Variants in HDAC9 observed in about 807,000 individuals in gnomAD.
The protein encoded by HDAC9 is MEF-2 interacting transcription repressor (MITR) protein.
Under a neutral mutation model 139.4 loss-of-function variants are expected in HDAC9, and 41 were observed. The observed-to-expected ratio is 0.29, with a 90% CI of 0.23 to 0.38. The LOEUF (loss-of-function observed/expected upper bound fraction) is 0.38. HDAC9 is among the 10% of genes least tolerant of loss of function. HDAC9 has a pLI of 1.00. For missense variants in HDAC9, 1,147 were observed against 1,297.0 expected, an observed-to-expected ratio of 0.88 and a Z score of 1.78; for synonymous variants, 517 against 476.2, an observed-to-expected ratio of 1.09 and a Z score of -1.12.
At chr7:18,253,265 A>G (rs1346277185) in intron 2 of HDAC9, among the ~76,000 whole-genome samples, 1 of 152,180 alleles carries the variant, frequency 6.6e-6, no homozygotes, top group Non-Finnish European at 1.5e-5. Flanking sequence ...TTGGGTATAT[A>G]CCCAGTAATG....
intron 12 of HDAC9, chr7:18,667,607 G>A: frequency 2.0e-6 from 2 of 985,236 alleles, no homozygotes; most frequent in Non-Finnish European, 2.4e-6. Flanking sequence ...GGTTCCTGCT[G>A]TTCTCCTACA....
At chr7:18,867,230 T>C (rs1294849993) in intron 21 of HDAC9, among the ~76,000 whole-genome samples, 1 of 152,182 alleles carries the variant, frequency 6.6e-6, no homozygotes, top group East Asian at 1.9e-4. Flanking sequence ...CAAAAAAGCA[T>C]ATATGCCATT....
intron 12 of HDAC9, among the ~76,000 whole-genome samples, chr7:18,698,041 G>A (rs566966236): frequency 1.3e-5 from 2 of 152,150 alleles, no homozygotes; most frequent in South Asian, 2.1e-4. Context: ...CAAAAATTAT[G>A]TGATTATGAG....
At chr7:18,249,605 A>C (rs929698535) in intron 2 of HDAC9, among the ~76,000 whole-genome samples, 1 of 151,696 alleles carries the variant, frequency 6.6e-6, no homozygotes, top group African/African-American at 2.4e-5. Flanking sequence ...CGTTCCTTCA[A>C]GTGAGCAAAT....
chr7:18,307,097 TTGTGTGTGTGTGTGTGTGTGTGTGTG>T (rs56020648), intron 1 of HDAC9, among the ~76,000 whole-genome samples: 2 of 134,806 alleles, frequency 1.5e-5, no homozygotes, highest in African/African-American at 3.0e-5. Context: ...AGGGCAGTTC[TTGTGTGTGTGTGTGTGTGTGTGTGTG>T]TGTGTGTGTG....
chr7:18,917,845 A>T (rs143727266), intron 22 of HDAC9, among the ~76,000 whole-genome samples: 2 of 152,110 alleles, frequency 1.3e-5, no homozygotes, highest in East Asian at 3.9e-4. Context: ...CTCTTATCTA[A>T]TACATGCAAT....
chr7:18,979,298 T>A (rs567368420), intron 25 of HDAC9, among the ~76,000 whole-genome samples: 1 of 152,232 alleles, frequency 6.6e-6, no homozygotes, highest in East Asian at 1.9e-4. Context: ...AAAACCCCAT[T>A]TTCCTGAATC....
intron 1 of HDAC9, among the ~76,000 whole-genome samples, chr7:18,130,750 G>T (rs1784949743): frequency 6.6e-6 from 1 of 151,946 alleles, no homozygotes; most frequent in Non-Finnish European, 1.5e-5. Context: ...TATATAATTT[G>T]TGATCTTTTG....
intron 1 of HDAC9, among the ~76,000 whole-genome samples, chr7:18,452,484 G>T (rs889620478): frequency 3.3e-5 from 5 of 152,136 alleles, no homozygotes; most frequent in South Asian, 2.1e-4. Flanking sequence ...GGGAAGACCT[G>T]CCATTTGCAT....
chr7:18,262,590 A>G (rs1189460692), intron 2 of HDAC9, among the ~76,000 whole-genome samples: 4 of 152,220 alleles, frequency 2.6e-5, no homozygotes, highest in Admixed American at 1.3e-4. Flanking sequence ...AAAAGACAGT[A>G]TAACTGTATT....
At chr7:18,991,536 C>T (rs1304239446) in intron 25 of HDAC9, among the ~76,000 whole-genome samples, 1 of 151,872 alleles carries the variant, frequency 6.6e-6, no homozygotes, top group Non-Finnish European at 1.5e-5. Context: ...GCTCAGGAGG[C>T]TGAAGCAGGA....
intron 25 of HDAC9, among the ~76,000 whole-genome samples, chr7:18,981,844 A>G (rs1397407241): frequency 6.6e-6 from 1 of 152,214 alleles, no homozygotes; most frequent in Non-Finnish European, 1.5e-5. Context: ...GGAAGTGGAT[A>G]GCTTTGGGGA....
chr7:18,596,763 C>G (rs538283545), intron 6 of HDAC9, among the ~76,000 whole-genome samples: 3 of 152,076 alleles, frequency 2.0e-5, no homozygotes, highest in Non-Finnish European at 4.4e-5. Flanking sequence ...TGAACTCAAT[C>G]TTAGAGTTAA....
intron 2 of HDAC9, among the ~76,000 whole-genome samples, chr7:18,229,274 A>G (rs552763817): frequency 1.3e-5 from 2 of 152,334 alleles, no homozygotes; most frequent in African/African-American, 4.8e-5. Context: ...TGTCACATAT[A>G]CATGGTGTGG....
intron 12 of HDAC9, among the ~76,000 whole-genome samples, chr7:18,713,574 G>T (rs778963097): frequency 6.6e-5 from 10 of 152,126 alleles, no homozygotes; most frequent in Non-Finnish European, 1.5e-4. Context: ...CATCACAACA[G>T]ATTTAGAAAG....
At chr7:18,761,831 G>A (rs1318907145) in intron 14 of HDAC9, among the ~76,000 whole-genome samples, 2 of 152,148 alleles carry the variant, frequency 1.3e-5, no homozygotes, top group African/African-American at 4.8e-5. Context: ...TTAATTATCA[G>A]CTAAATAGTA....
At chr7:18,143,148 T>C (rs12537600) in intron 1 of HDAC9, among the ~76,000 whole-genome samples, 29,747 of 152,168 alleles carry the variant, frequency 0.2, 3,069 homozygotes, top group South Asian at 0.34. Flanking sequence ...TGTAAACTGG[T>C]CTATCCTGTG....
chr7:18,221,642 C>G (rs1175644342), intron 2 of HDAC9, among the ~76,000 whole-genome samples: 1 of 152,118 alleles, frequency 6.6e-6, no homozygotes, highest in Non-Finnish European at 1.5e-5. Flanking sequence ...TAACATGATG[C>G]TTCCTGAGAG....
At chr7:18,249,925 C>G (rs1480773884) in intron 2 of HDAC9, among the ~76,000 whole-genome samples, 3 of 152,086 alleles carry the variant, frequency 2.0e-5, no homozygotes, top group Non-Finnish European at 4.4e-5. Flanking sequence ...GGATTCTACT[C>G]TAGGAACTGG....
Sources: allele counts gnomAD v4.1 joint callset (sites outside exome capture counted in the v4.1 genomes callset), GRCh38; gene constraint gnomAD v4.1.1; transcripts MANE v1.5; gene names NCBI Gene and HGNC (gene_info 2026-07-23, HGNC 2026-07-21).